The following NRXN3 variants were observed in gnomAD, a reference collection of about 807,000 sequenced individuals.
NRXN3 encodes neurexin III.
In NRXN3, 32 loss-of-function variants were observed where a neutral mutation model predicts 137.6. That is an observed-to-expected ratio of 0.23 (90% CI 0.18 to 0.31). The LOEUF (loss-of-function observed/expected upper bound fraction) is 0.31, where lower values mean the gene tolerates loss of function less well. Among genes scored for constraint, NRXN3 ranks in the 10% least tolerant of loss-of-function variants. The pLI is 1.00. For missense variants in NRXN3, 1,574 were observed against 2,062.5 expected, an observed-to-expected ratio of 0.76 and a Z score of 4.59; for synonymous variants, 798 against 784.5, an observed-to-expected ratio of 1.02 and a Z score of -0.29.
intron 20 of NRXN3, among the ~76,000 whole-genome samples, chr14:79,848,787 C>T (rs866476590): frequency 5.3e-5 from 8 of 152,110 alleles, no homozygotes; most frequent in Admixed American, 1.3e-4. Flanking sequence ...TGATCTGATC[C>T]AGCCTCTTGA....
intron 15 of NRXN3, among the ~76,000 whole-genome samples, chr14:79,233,493 C>G (rs1475037164): frequency 6.6e-6 from 1 of 152,076 alleles, no homozygotes; most frequent in African/African-American, 2.4e-5. Flanking sequence ...GGCTTTGACA[C>G]AGATAAACCT....
At chr14:79,690,967 A>G (rs990491766) in intron 17 of NRXN3, among the ~76,000 whole-genome samples, 1 of 152,232 alleles carries the variant, frequency 6.6e-6, no homozygotes, top group African/African-American at 2.4e-5. Flanking sequence ...GTAGTTTGGA[A>G]TGGAGTTCCC....
intron 5 of NRXN3, among the ~76,000 whole-genome samples, chr14:78,648,004 C>T (rs113315929): frequency 2.0e-5 from 3 of 152,252 alleles, no homozygotes; most frequent in South Asian, 2.1e-4. Context: ...TGGGGTTTCC[C>T]GGAGTACTTA....
At chr14:79,280,135 C>G (rs532289839) in intron 15 of NRXN3, 1 of 1,452,316 alleles carries the variant, frequency 6.9e-7, no homozygotes, top group African/African-American at 1.4e-5. Flanking sequence ...AATTTTTTAA[C>G]TGATTCATTG....
chr14:78,332,594 G>T (rs1257229002), intron 4 of NRXN3, among the ~76,000 whole-genome samples: 1 of 152,136 alleles, frequency 6.6e-6, no homozygotes, highest in African/African-American at 2.4e-5. Flanking sequence ...GATTACAGGA[G>T]TGAGCCGCTG....
At chr14:78,908,381 C>T (rs546516147) in intron 10 of NRXN3, among the ~76,000 whole-genome samples, 2 of 152,116 alleles carry the variant, frequency 1.3e-5, no homozygotes, top group African/African-American at 4.8e-5. Context: ...ATCCTATCTT[C>T]ATCTTGCTAT....
intron 6 of NRXN3, among the ~76,000 whole-genome samples, chr14:78,654,916 C>T (rs1347021673): frequency 6.6e-6 from 1 of 152,166 alleles, no homozygotes; most frequent in Non-Finnish European, 1.5e-5. Context: ...GACTAAAGAA[C>T]ATCTTGACAT....
chr14:79,605,476 G>A (rs1227465431), intron 16 of NRXN3, among the ~76,000 whole-genome samples: 1 of 152,000 alleles, frequency 6.6e-6, no homozygotes, highest in Non-Finnish European at 1.5e-5. Context: ...TGCAGATGCT[G>A]TCAAGATACT....
chr14:78,434,494 A>T (rs1413925456), intron 4 of NRXN3, among the ~76,000 whole-genome samples: 1 of 152,190 alleles, frequency 6.6e-6, no homozygotes, highest in African/African-American at 2.4e-5. Flanking sequence ...GCATCCTGAG[A>T]TACTGGGGTT....
intron 15 of NRXN3, among the ~76,000 whole-genome samples, chr14:79,157,776 G>A (rs1396112985): frequency 6.6e-6 from 1 of 151,762 alleles, no homozygotes; most frequent in Non-Finnish European, 1.5e-5. Flanking sequence ...TGTTGGGAAG[G>A]ATGATGGAGA....
At chr14:78,315,225 T>C (rs2078562351) in intron 4 of NRXN3, among the ~76,000 whole-genome samples, 1 of 151,994 alleles carries the variant, frequency 6.6e-6, no homozygotes, top group Admixed American at 6.6e-5. Context: ...ACTCTTGACC[T>C]AAGTTGATCC....
At chr14:78,483,473 G>T (rs1599272910) in intron 4 of NRXN3, among the ~76,000 whole-genome samples, 1 of 152,194 alleles carries the variant, frequency 6.6e-6, no homozygotes, top group Non-Finnish European at 1.5e-5. Flanking sequence ...CTCCAAGAGA[G>T]AATCCAACAA....
intron 16 of NRXN3, among the ~76,000 whole-genome samples, chr14:79,661,135 T>A (rs1056286911): frequency 1.3e-5 from 2 of 152,172 alleles, no homozygotes; most frequent in Non-Finnish European, 2.9e-5. Flanking sequence ...TATATATGCA[T>A]GCATATTTTA....
At chr14:79,711,241 T>A (rs2098803042) in intron 19 of NRXN3, among the ~76,000 whole-genome samples, 1 of 152,148 alleles carries the variant, frequency 6.6e-6, no homozygotes, top group Non-Finnish European at 1.5e-5. Flanking sequence ...ATGTTTATAT[T>A]GGAAGAATCT....
At chr14:79,595,829 T>G (rs2097853383) in intron 16 of NRXN3, among the ~76,000 whole-genome samples, 1 of 152,216 alleles carries the variant, frequency 6.6e-6, no homozygotes, top group Admixed American at 6.5e-5. Context: ...AATTCGTAAT[T>G]GCATATGTGG....
intron 15 of NRXN3, among the ~76,000 whole-genome samples, chr14:79,043,279 A>G (rs902509718): frequency 6.6e-6 from 1 of 152,198 alleles, no homozygotes; most frequent in Admixed American, 6.5e-5. Context: ...CCACCTGCCT[A>G]TAATTCTTGA....
chr14:79,861,008 T>G lies in NRXN3; in HGVS notation c.4094-334T>G. The G allele has an allele frequency of 7.6e-7, 1 of 1,316,782 alleles. No individual in the cohort carries two copies. The highest frequency in any genetic ancestry group is 1.0e-6 in the Non-Finnish European group (1 of 1,001,500). The allele number at this position is 1,316,782 out of a possible 1,614,324, so 81.6% of individuals were successfully genotyped here. ...GAGTGAGAGTTGTTTACAAATATAC[T>G]AATTGTTTTTCTTTTTCTTTTCCAT... On this transcript the variant is annotated intron_variant, in intron 20 of 20. Transcript: ENST00000335750. This position sits in a 1 kb window ranked among gnomAD's most constrained non-coding sequence, Gnocchi z 5.4.
intron 8 of NRXN3, among the ~76,000 whole-genome samples, chr14:78,729,133 T>C (rs565751192): frequency 4.2e-4 from 64 of 152,372 alleles, no homozygotes; most frequent in African/African-American, 1.5e-3. Context: ...ATTATTCTTC[T>C]CTCTTTTAAT....
intron 16 of NRXN3, among the ~76,000 whole-genome samples, chr14:79,553,128 C>T (rs1304839108): frequency 1.3e-5 from 2 of 152,158 alleles, no homozygotes; most frequent in African/African-American, 4.8e-5. Context: ...CTTCTTTGTT[C>T]AAAGCAATCA....
Sources: allele counts gnomAD v4.1 joint callset (sites outside exome capture counted in the v4.1 genomes callset), GRCh38; gene constraint gnomAD v4.1.1; non-coding constraint Gnocchi (gnomAD v3.1); transcripts MANE v1.5; gene names NCBI Gene and HGNC (gene_info 2026-07-23, HGNC 2026-07-21).